NPAS3: variants seen among roughly 807,000 people sequenced by gnomAD.
NPAS3 encodes neuronal PAS domain protein 3, also known as neuronal PAS domain-containing protein 3.
NPAS3 carries 14 observed loss-of-function variants against 73.1 expected under a neutral mutation model. The observed-to-expected ratio is 0.19, with a 90% confidence interval of 0.13 to 0.30. The LOEUF (loss-of-function observed/expected upper bound fraction) is 0.30. Among genes scored for constraint, NPAS3 ranks in the 10% least tolerant of loss-of-function variants. The pLI, the probability that NPAS3 is intolerant of heterozygous loss-of-function variation, is 1.00. For missense variants in NPAS3, 1,096 were observed against 1,250.0 expected (o/e 0.88, Z 1.86); for synonymous variants, 620 against 541.5 (o/e 1.14, Z -2.01).
chr14:33,198,537 T>A (rs1206104366), intron 2 of NPAS3, among the ~76,000 whole-genome samples: 1 of 152,164 alleles, frequency 6.6e-6, no homozygotes, highest in Non-Finnish European at 1.5e-5. Context: ...TTGCAAACCT[T>A]GAGCTAGATA....
intron 5 of NPAS3, among the ~76,000 whole-genome samples, chr14:33,621,102 T>C (rs2058063634): frequency 6.6e-6 from 1 of 152,122 alleles, no homozygotes; most frequent in South Asian, 2.1e-4. Context: ...TGACAAACTT[T>C]CTAACTGCAA....
At chr14:33,786,994 T>C (rs1682174262) in intron 9 of NPAS3, among the ~76,000 whole-genome samples, 1 of 152,174 alleles carries the variant, frequency 6.6e-6, no homozygotes, top group African/African-American at 2.4e-5. Flanking sequence ...TAGCCTTAAT[T>C]TTTTTAATTC....
At chr14:33,609,283 G>A (rs1256364545) in intron 5 of NPAS3, among the ~76,000 whole-genome samples, 1 of 152,156 alleles carries the variant, frequency 6.6e-6, no homozygotes, top group South Asian at 2.1e-4. Context: ...ATGTTTTTGC[G>A]GAGGGGTGTT....
intron 4 of NPAS3, among the ~76,000 whole-genome samples, chr14:33,544,816 A>AT (rs1237999034): frequency 0.016 from 1,657 of 105,984 alleles, 144 homozygotes; most frequent in Non-Finnish European, 0.02. Flanking sequence ...ATATATGTAT[A>AT]TATAATATAT....
chr14:33,304,071 C>T lies in NPAS3; in HGVS notation c.386-63115C>T, dbSNP rs369068470. Among the ~76,000 whole-genome samples, 11 of 152,234 alleles carry T rather than the reference C, an allele frequency of 7.2e-5. No individual in the cohort carries two copies. In the East Asian group the frequency reaches 1.4e-3, roughly 19 times the overall value. ...TACAGGTGCCCGCAACCACGCCCGA[C>T]CAATTTTTTGTATTTTTAGTAAAGA... On this transcript the variant is annotated intron_variant, in intron 3 of 11. Transcript: ENST00000356141.
chr14:33,322,685 A>C (rs535766917), intron 3 of NPAS3, among the ~76,000 whole-genome samples: 1 of 152,258 alleles, frequency 6.6e-6, no homozygotes, highest in East Asian at 1.9e-4. Flanking sequence ...TTTCTAACTA[A>C]AAGTTTTTCT....
At chr14:32,980,874 T>C (rs180868512) in intron 1 of NPAS3, among the ~76,000 whole-genome samples, 62 of 152,308 alleles carry the variant, frequency 4.1e-4, no homozygotes, top group African/African-American at 1.4e-3. Context: ...AGGCCACTTA[T>C]GTTGTATAAG....
intron 5 of NPAS3, among the ~76,000 whole-genome samples, chr14:33,579,209 A>G (rs1026527321): frequency 6.6e-6 from 1 of 152,234 alleles, no homozygotes; most frequent in Non-Finnish European, 1.5e-5. Context: ...CTCAGGTTTT[A>G]TGAAGAAAAT....
chr14:33,367,133 A>G (rs2045878399), intron 3 of NPAS3, 53 bp from the exon 4 acceptor site: 2 of 775,024 alleles, frequency 2.6e-6, no homozygotes, highest in African/African-American at 3.5e-5. Flanking sequence ...TGAAGATATG[A>G]ATCAGAGCTC....
intron 3 of NPAS3, among the ~76,000 whole-genome samples, chr14:33,300,520 G>T (rs529933442): frequency 6.6e-6 from 1 of 152,330 alleles, no homozygotes; most frequent in Admixed American, 6.5e-5. Flanking sequence ...CCACTTTAAA[G>T]TGACACTGCA....
intron 6 of NPAS3, among the ~76,000 whole-genome samples, chr14:33,709,226 C>A (rs560517231): frequency 6.6e-6 from 1 of 152,198 alleles, no homozygotes; most frequent in Non-Finnish European, 1.5e-5. Flanking sequence ...GCATACCCTG[C>A]GCGCGTAAGT....
intron 1 of NPAS3, among the ~76,000 whole-genome samples, chr14:33,024,759 T>C (rs112136637): frequency 0.011 from 1,696 of 152,334 alleles, 16 homozygotes; most frequent in Middle Eastern, 0.027. Context: ...ATTCTGAATG[T>C]TGGGATTATG....
chr14:33,782,528 C>T (rs2063009089), intron 9 of NPAS3, among the ~76,000 whole-genome samples: 1 of 152,172 alleles, frequency 6.6e-6, no homozygotes, highest in Non-Finnish European at 1.5e-5. Flanking sequence ...TTTGTGGGTC[C>T]AATCAGCAAC....
At chr14:33,195,948 A>G (rs1382592395) in intron 2 of NPAS3, among the ~76,000 whole-genome samples, 1 of 152,238 alleles carries the variant, frequency 6.6e-6, no homozygotes, top group Non-Finnish European at 1.5e-5. Context: ...CAGTAGTTCC[A>G]CTAATGTTGT....
chr14:33,152,908 C>A (rs1396786537), intron 2 of NPAS3, among the ~76,000 whole-genome samples: 1 of 150,252 alleles, frequency 6.7e-6, no homozygotes, highest in Non-Finnish European at 1.5e-5. Flanking sequence ...GTTGTGTGTC[C>A]CCATTTTGGT....
At chr14:33,701,583 A>C (rs2060524051) in intron 6 of NPAS3, among the ~76,000 whole-genome samples, 1 of 151,948 alleles carries the variant, frequency 6.6e-6, no homozygotes, top group Non-Finnish European at 1.5e-5. Context: ...ATTTGTTTTA[A>C]TTTTTTCTAG....
At chr14:33,627,192 A>G (rs2058246098) in intron 5 of NPAS3, among the ~76,000 whole-genome samples, 1 of 152,180 alleles carries the variant, frequency 6.6e-6, no homozygotes, top group Admixed American at 6.5e-5. Flanking sequence ...GGGTCACAGC[A>G]TTGTTGAGGA....
At chr14:33,364,618 G>T (rs765119349) in intron 3 of NPAS3, among the ~76,000 whole-genome samples, 3 of 152,116 alleles carry the variant, frequency 2.0e-5, no homozygotes, top group African/African-American at 7.2e-5. Context: ...GTGTATGGGG[G>T]TACACACTCA....
intron 1 of NPAS3, among the ~76,000 whole-genome samples, chr14:32,976,541 C>T (rs747140470): frequency 1.2e-4 from 19 of 152,200 alleles, no homozygotes; most frequent in Non-Finnish European, 2.5e-4. Flanking sequence ...TTACTGATAG[C>T]GGTGCATGAT....
Sources: gnomAD v4.1 joint callset for allele counts (sites outside exome capture counted in the v4.1 genomes callset) on GRCh38, gnomAD v4.1.1 for gene constraint, MANE v1.5 for transcripts, NCBI Gene and HGNC (gene_info 2026-07-23, HGNC 2026-07-21) for gene names.